Variants in CHN2 observed in about 807,000 individuals in gnomAD.
CHN2 encodes the protein beta-chimaerin.
A neutral mutation model predicts 56.3 loss-of-function variants in CHN2; 35 were observed. The observed-to-expected ratio is 0.62, with a 90% CI of 0.47 to 0.82. The LOEUF (loss-of-function observed/expected upper bound fraction) is 0.82. Ranked by LOEUF, CHN2 falls within the 40% of genes least tolerant of loss-of-function variation. The probability of loss-of-function intolerance (pLI) is 0.00; values close to 1 mark genes in which losing one functional copy is unlikely to be tolerated. For synonymous variants in CHN2, 210 were observed against 212.8 expected (o/e 0.99, Z 0.12); for missense variants, 491 against 580.5 (o/e 0.85, Z 1.58).
intron 1 of CHN2, among the ~76,000 whole-genome samples, chr7:29,298,403 G>A (rs960310136): frequency 6.6e-6 from 1 of 152,146 alleles, no homozygotes; most frequent in African/African-American, 2.4e-5. Flanking sequence ...GTTTCGGGGG[G>A]GTTGCATGGA....
intron 6 of CHN2, among the ~76,000 whole-genome samples, chr7:29,464,202 A>T (rs527604767): frequency 1.2e-4 from 19 of 152,320 alleles, no homozygotes; most frequent in African/African-American, 4.3e-4. Flanking sequence ...AACTATGTGT[A>T]TTGCCTGTTT....
At position 29,250,530 on chromosome 7, in the gene CHN2, A is replaced by C. The variant is rs1054452473; in HGVS notation, c.49+55540A>C. Among the ~76,000 whole-genome samples the C allele has an allele frequency of 2.6e-5, 4 of 152,190 alleles. No individual in the cohort carries two copies. The East Asian group carries it at 7.7e-4, about 29-fold the overall frequency. On this transcript the variant is annotated intron_variant, in intron 1 of 12. Coordinates refer to ENST00000222792, the MANE Select transcript of CHN2 (RefSeq NM_004067.4). ...GTACAGAAGACATGAGACTTTCATG[A>C]ATTATAACATGACTCCTTAAATAAT...
intron 8 of CHN2, among the ~76,000 whole-genome samples, chr7:29,496,897 C>T (rs1207105276): frequency 6.6e-6 from 1 of 152,172 alleles, no homozygotes. Context: ...CAGGTTTCTA[C>T]CAACACCCTG....
At chr7:29,156,204 G>A (rs945232290) in intron 2 of CHN2, among the ~76,000 whole-genome samples, 1 of 152,138 alleles carries the variant, frequency 6.6e-6, no homozygotes, top group African/African-American at 2.4e-5. Context: ...GTCTGGTTTT[G>A]CCTGTGTTTA....
chr7:29,496,180 TG>T, intron 8 of CHN2, 144 bp downstream of exon 8: 1 of 518,730 alleles, frequency 1.9e-6, no homozygotes, highest in Non-Finnish European at 3.3e-6. Flanking sequence ...CTGTGCTTAA[TG>T]GGGAAACTAT....
chr7:29,195,802 G>A (rs1328532872), intron 1 of CHN2, among the ~76,000 whole-genome samples: 1 of 152,048 alleles, frequency 6.6e-6, no homozygotes, highest in South Asian at 2.1e-4. Flanking sequence ...GGGTCTAATT[G>A]AAGAGAAAAA....
In CHN2 at chr7:29,437,539, A is replaced by C. The variant is rs1182394726; in HGVS notation, c.576+36711A>C. On this transcript the variant is annotated intron_variant, in intron 6 of 12. Coordinates refer to ENST00000222792, the MANE Select transcript of CHN2 (RefSeq NM_004067.4). ...CATGAACCTGGGAGGCGGAGCTTGCAGTGAGCCGAGATCGCGCCACTGCAC... is the reference window on the plus strand; with the variant it reads ...CATGAACCTGGGAGGCGGAGCTTGCCGTGAGCCGAGATCGCGCCACTGCAC... 2.4e-5 allele frequency among the ~76,000 whole-genome samples: 2 copies of C among 84,778 alleles called. 1 individual carries two copies. The highest frequency in any genetic ancestry group is 1.4e-4 in the African/African-American group (2 of 13,816). 55.6% of individuals were successfully genotyped at this position (84,778 alleles called of 152,430 possible).
At chr7:29,278,832 G>A (rs1385362084) in intron 1 of CHN2, among the ~76,000 whole-genome samples, 1 of 152,110 alleles carries the variant, frequency 6.6e-6, no homozygotes, top group Non-Finnish European at 1.5e-5. Flanking sequence ...GGCCCCCTTG[G>A]TCTTGGCTGG....
At chr7:29,211,131 C>T (rs370279502) in intron 1 of CHN2, among the ~76,000 whole-genome samples, 18 of 151,628 alleles carry the variant, frequency 1.2e-4, no homozygotes, top group Non-Finnish European at 2.4e-4. Flanking sequence ...AGTGCAGTGG[C>T]GCGATCTCGG....
chr7:29,306,578 C>G (rs191831896), intron 1 of CHN2, among the ~76,000 whole-genome samples: 1 of 152,100 alleles, frequency 6.6e-6, no homozygotes, highest in Admixed American at 6.5e-5. Context: ...AAGCCCAAGG[C>G]GATAGAGCAC....
At chr7:29,242,155 A>G (rs1041675155) in intron 1 of CHN2, among the ~76,000 whole-genome samples, 2 of 152,160 alleles carry the variant, frequency 1.3e-5, no homozygotes, top group Admixed American at 6.5e-5. Context: ...CCCAAATGTC[A>G]TGTAGCTTAT....
upstream of CHN2, chr7:29,194,733 C>T: frequency 4.5e-6 from 2 of 440,050 alleles, no homozygotes; most frequent in Non-Finnish European, 7.8e-6. Flanking sequence ...CGGAGCGGGA[C>T]GGAAACCACA....
intron 2 of CHN2, among the ~76,000 whole-genome samples, chr7:29,365,070 G>C (rs1333617097): frequency 1.3e-5 from 2 of 152,156 alleles, no homozygotes; most frequent in Non-Finnish European, 2.9e-5. Flanking sequence ...AGTGCATAGA[G>C]AGCTTTCTCA....
intron 7 of CHN2, chr7:29,483,845 G>C: frequency 7.7e-7 from 1 of 1,291,224 alleles, no homozygotes; most frequent in Non-Finnish European, 1.0e-6. Flanking sequence ...AGCCCGCATA[G>C]TACTCCTGGC....
At chr7:29,296,843 G>A (rs778335176) in intron 1 of CHN2, among the ~76,000 whole-genome samples, 2 of 152,174 alleles carry the variant, frequency 1.3e-5, no homozygotes, top group Non-Finnish European at 2.9e-5. Context: ...GGTACAGAGT[G>A]ACTTCTTAGG....
chr7:29,381,230 A>T (rs1800472024), intron 3 of CHN2, among the ~76,000 whole-genome samples: 1 of 152,194 alleles, frequency 6.6e-6, no homozygotes, highest in African/African-American at 2.4e-5. Flanking sequence ...CAGCCAGCCC[A>T]GCCAACATGG....
chr7:29,443,098 G>A (rs556262139), intron 6 of CHN2, among the ~76,000 whole-genome samples: 2 of 150,312 alleles, frequency 1.3e-5, no homozygotes, highest in Admixed American at 6.6e-5. Context: ...CCGCCACCGC[G>A]CCCGGCTAAT....
At chr7:29,337,323 T>TTCAGACTCTGG (rs1358398897) in intron 1 of CHN2, among the ~76,000 whole-genome samples, 4 of 152,140 alleles carry the variant, frequency 2.6e-5, no homozygotes, top group Non-Finnish European at 4.4e-5. Context: ...TAATTTTAGT[T>TTCAGACTCTGG]TCAGACTCTG....
At chr7:29,471,644 C>T (rs137855060) in intron 6 of CHN2, among the ~76,000 whole-genome samples, 223 of 152,220 alleles carry the variant, frequency 1.5e-3, no homozygotes, top group African/African-American at 5.0e-3. Context: ...TCTCTCACAT[C>T]GAGAGTCGCC....
Sources: allele counts gnomAD v4.1 joint callset (sites outside exome capture counted in the v4.1 genomes callset), GRCh38; gene constraint gnomAD v4.1.1; transcripts MANE v1.5; gene names NCBI Gene and HGNC (gene_info 2026-07-23, HGNC 2026-07-21).